Variants in CLSTN2 observed in about 807,000 individuals in gnomAD.
The protein encoded by CLSTN2 is calsyntenin-2.
Under a neutral mutation model 101.2 loss-of-function variants are expected in CLSTN2, and 48 were observed. The observed-to-expected ratio is 0.47, with a 90% CI of 0.38 to 0.60. The LOEUF is 0.60. Among genes scored for constraint, CLSTN2 ranks in the 20% least tolerant of loss-of-function variants. CLSTN2 has a pLI of 0.00. For missense variants in CLSTN2, 1,160 were observed against 1,238.2 expected, an observed-to-expected ratio of 0.94 and a Z score of 0.95; for synonymous variants, 481 against 463.6, an observed-to-expected ratio of 1.04 and a Z score of -0.48.
intron 1 of CLSTN2, among the ~76,000 whole-genome samples, chr3:140,171,531 A>C (rs2010212804): frequency 6.7e-6 from 1 of 149,748 alleles, no homozygotes; most frequent in Non-Finnish European, 1.5e-5. Context: ...GCTGCTCTCA[A>C]TTCTATAAGC....
intron 1 of CLSTN2, among the ~76,000 whole-genome samples, chr3:140,064,762 G>C (rs917589562): frequency 6.6e-6 from 1 of 152,190 alleles, no homozygotes; most frequent in Non-Finnish European, 1.5e-5. Context: ...GAATTTATAA[G>C]TGAATCTAAA....
Position 140,421,225 on chromosome 3 carries a change from C to T in CLSTN2, c.738C>T (p.Asp246=). ...GTGGACAGAAGCCCGCTGCTCAGGA[C>T]ACCCTGGTGCAGGTGGATGTGAAGC... ...YDCGQKPAAQ[D]TLVQVDVKPV... Residue 246 remains aspartate, a synonymous_variant, in exon 5 of 17, where the codon GAC becomes GAT. Transcript: ENST00000458420. 3 of 1,614,198 alleles carry T rather than the reference C, an allele frequency of 1.9e-6. No individual in the cohort carries two copies. Among genetic ancestry groups the T allele is most frequent in the Non-Finnish European group, 2.5e-6 (3 of 1,180,010 alleles).
chr3:140,421,089 T>A (rs1320379043), intron 4 of CLSTN2, 36 bp from the exon 5 acceptor site: 4 of 1,602,600 alleles, frequency 2.5e-6, no homozygotes. Context: ...GCAGTTAAAT[T>A]GACCTGAAAT....
intron 1 of CLSTN2, among the ~76,000 whole-genome samples, chr3:139,967,098 G>T (rs1935613856): frequency 6.6e-6 from 1 of 152,148 alleles, no homozygotes. Context: ...GCCTAGGCAG[G>T]GCTGACCCCT....
At chr3:140,250,040 C>A (rs2086548824) in intron 2 of CLSTN2, among the ~76,000 whole-genome samples, 1 of 152,258 alleles carries the variant, frequency 6.6e-6, no homozygotes, top group Middle Eastern at 3.4e-3. Flanking sequence ...TGCAAATATT[C>A]CTTTTCAAGA....
chr3:140,041,171 C>T (rs1560076969), intron 1 of CLSTN2, among the ~76,000 whole-genome samples: 1 of 152,168 alleles, frequency 6.6e-6, no homozygotes, highest in Non-Finnish European at 1.5e-5. Flanking sequence ...TTGAGATATA[C>T]AGGCTGTGAT....
At chr3:140,189,656 T>C (rs1321653968) in intron 2 of CLSTN2, among the ~76,000 whole-genome samples, 1 of 152,242 alleles carries the variant, frequency 6.6e-6, no homozygotes, top group Non-Finnish European at 1.5e-5. Flanking sequence ...ACTAATTCTT[T>C]GTCAGATATG....
At chr3:140,360,157 C>A (rs1174286500) in intron 2 of CLSTN2, among the ~76,000 whole-genome samples, 2 of 152,116 alleles carry the variant, frequency 1.3e-5, no homozygotes, top group African/African-American at 2.4e-5. Flanking sequence ...GAACTCATCT[C>A]CCCCTGTAAT....
chr3:140,023,210 C>A (rs181488508), intron 1 of CLSTN2, among the ~76,000 whole-genome samples: 52 of 152,272 alleles, frequency 3.4e-4, no homozygotes, highest in Admixed American at 2.9e-3. Flanking sequence ...AGGTGGAAGT[C>A]ACCTTCAGGG....
intron 1 of CLSTN2, among the ~76,000 whole-genome samples, chr3:140,011,315 T>C (rs976143526): frequency 1.3e-5 from 2 of 152,180 alleles, no homozygotes; most frequent in Non-Finnish European, 2.9e-5. Flanking sequence ...GATGTCTTGC[T>C]TTAGGAAGTG....
intron 2 of CLSTN2, among the ~76,000 whole-genome samples, chr3:140,382,662 A>G (rs6771702): frequency 0.4 from 61,388 of 151,940 alleles, 13,606 homozygotes; most frequent in East Asian, 0.91. Context: ...TGGGTAGCTT[A>G]TAGAAAACAG....
rs1269106369 is a variant in CLSTN2, at chr3:140,566,402, G to A, written c.*149G>A. ...CCTGGAGCCCACCCTTTAAGCCTTGGGCACTCCCTGTGTTTCATCCATGGG... is the reference window on the plus strand; with the variant it reads ...CCTGGAGCCCACCCTTTAAGCCTTGAGCACTCCCTGTGTTTCATCCATGGG... On this transcript the variant is annotated 3_prime_UTR_variant, in exon 17 of 17. Transcript: ENST00000458420. 5.4e-6 allele frequency: 4 copies of A among 742,598 alleles called. No individual in the cohort carries two copies. The African/African-American group carries it at 7.0e-5, about 13-fold the overall frequency. 46.0% of individuals were successfully genotyped at this position (742,598 alleles called of 1,614,324 possible). A position where few individuals can be genotyped will look rare whatever the true frequency, so the allele number is the denominator to read the frequency against.
At position 140,441,708 on chromosome 3, in the gene CLSTN2, A is replaced by G. The variant is rs530700690; in HGVS notation, c.788-6811A>G. ...ACTCATGCCTAGAGGCCACGCAGAG[A>G]GAGGAGAGAAGGCGAATCTCAGAAG... is the stretch of plus-strand genomic sequence containing the variant. On this transcript the variant is annotated intron_variant, in intron 5 of 16. Coordinates refer to ENST00000458420, the MANE Select transcript of CLSTN2 (RefSeq NM_022131.3). 2.6e-5 allele frequency among the ~76,000 whole-genome samples: 4 copies of G among 152,222 alleles called. 1 individual carries two copies. The South Asian group carries it at 8.3e-4, about 32-fold the overall frequency.
At chr3:139,942,735 A>G (rs1437530592) in intron 1 of CLSTN2, among the ~76,000 whole-genome samples, 1 of 152,156 alleles carries the variant, frequency 6.6e-6, no homozygotes, top group African/African-American at 2.4e-5. Flanking sequence ...GCAGATCAAA[A>G]ATCAGGACAA....
chr3:140,319,872 C>T (rs546705893), intron 2 of CLSTN2, among the ~76,000 whole-genome samples: 18 of 152,384 alleles, frequency 1.2e-4, no homozygotes, highest in African/African-American at 4.3e-4. Context: ...GAAGTGGCAA[C>T]TCAGTCACCT....
At chr3:140,554,140 C>T (rs577688237) in intron 10 of CLSTN2, among the ~76,000 whole-genome samples, 3 of 152,212 alleles carry the variant, frequency 2.0e-5, no homozygotes, top group Non-Finnish European at 2.9e-5. Flanking sequence ...GGCACCAAAG[C>T]GCAGTGGGGA....
chr3:140,085,331 TAC>T (rs2008664154), intron 1 of CLSTN2, among the ~76,000 whole-genome samples: 1 of 152,222 alleles, frequency 6.6e-6, no homozygotes, highest in Non-Finnish European at 1.5e-5. Flanking sequence ...CTCATTTTCT[TAC>T]AGTGACAAGC....
intron 1 of CLSTN2, among the ~76,000 whole-genome samples, chr3:140,105,624 G>A (rs1329202994): frequency 6.6e-6 from 1 of 152,176 alleles, no homozygotes; most frequent in Non-Finnish European, 1.5e-5. Flanking sequence ...CTCCTTCCAT[G>A]ATGCAGACTT....
At chr3:140,135,860 C>T (rs1178002685) in intron 1 of CLSTN2, among the ~76,000 whole-genome samples, 1 of 152,136 alleles carries the variant, frequency 6.6e-6, no homozygotes, top group Non-Finnish European at 1.5e-5. Flanking sequence ...AATCTTGTAA[C>T]CCCAAACTAA....
Sources: allele counts gnomAD v4.1 joint callset (sites outside exome capture counted in the v4.1 genomes callset), GRCh38; gene constraint gnomAD v4.1.1; transcripts MANE v1.5; gene names NCBI Gene and HGNC (gene_info 2026-07-23, HGNC 2026-07-21).